PDE7A: variants seen among roughly 807,000 people sequenced by gnomAD.
PDE7A encodes the protein high affinity 3',5'-cyclic-AMP phosphodiesterase 7A.
Under a neutral mutation model 64.3 loss-of-function variants are expected in PDE7A, and 39 were observed. That is an observed-to-expected ratio of 0.61 (90% confidence interval 0.47 to 0.79). PDE7A has a LOEUF of 0.79. Ranked by LOEUF, PDE7A falls within the 30% of genes least tolerant of loss-of-function variation. The probability of loss-of-function intolerance (pLI) is 0.00; values close to 1 mark genes in which losing one functional copy is unlikely to be tolerated. For missense variants in PDE7A, 470 were observed against 582.8 expected (o/e 0.81, Z 1.99); for synonymous variants, 203 against 206.8 (o/e 0.98, Z 0.16).
chr8:65,735,051 A>G (rs1365176705), intron 6 of PDE7A, among the ~76,000 whole-genome samples, 157 bp from the exon 7 acceptor site: 1 of 152,184 alleles, frequency 6.6e-6, no homozygotes, highest in African/African-American at 2.4e-5. Context: ...CACAACTCAC[A>G]TGTATACCAA....
At chr8:65,723,662 C>G in intron 11 of PDE7A, 41 bp from the exon 12 acceptor site, 1 of 1,346,526 alleles carries the variant, frequency 7.4e-7, no homozygotes, top group Middle Eastern at 2.4e-4. Flanking sequence ...TGAAGAATAT[C>G]TATTGGTTAA....
chr8:65,842,059 A>G lies in PDE7A; in HGVS notation c.-551T>C. On this transcript the variant is annotated 5_prime_UTR_variant, in exon 1 of 13. Coordinates refer to ENST00000401827, the MANE Select transcript of PDE7A (RefSeq NM_001242318.3). ...CCGCCGCCGGCGCGAGCCCGGCGTAATTCACACTTTGCAGCCGCGGACCTT... is the reference window on the plus strand; with the variant it reads ...CCGCCGCCGGCGCGAGCCCGGCGTAGTTCACACTTTGCAGCCGCGGACCTT... 1 of 191,690 alleles carries G rather than the reference A, an allele frequency of 5.2e-6. No individual in the cohort carries two copies. The highest frequency in any genetic ancestry group is 1.0e-5 in the Non-Finnish European group (1 of 95,974). 11.9% of individuals were successfully genotyped at this position (191,690 alleles called of 1,614,324 possible). A position where few individuals can be genotyped will look rare whatever the true frequency, so the allele number is the denominator to read the frequency against.
At chr8:65,731,748 G>A (rs958413717) in intron 7 of PDE7A, 1 of 151,816 alleles carries the variant, frequency 6.6e-6, no homozygotes, top group African/African-American at 2.4e-5. Flanking sequence ...TTTCCACATA[G>A]ACAAGAGTCC....
At chr8:65,743,573 C>G (rs1175100069) in intron 5 of PDE7A, among the ~76,000 whole-genome samples, 3 of 152,144 alleles carry the variant, frequency 2.0e-5, no homozygotes, top group Non-Finnish European at 2.9e-5. Context: ...AAGGTATAGA[C>G]AAAGGTATTT....
intron 1 of PDE7A, among the ~76,000 whole-genome samples, chr8:65,834,848 T>G (rs1356768757): frequency 6.6e-6 from 1 of 152,140 alleles, no homozygotes; most frequent in Non-Finnish European, 1.5e-5. Context: ...GTCCCTTCCC[T>G]TATAAAAGGA....
At chr8:65,722,456 T>C (rs1806425166) in intron 12 of PDE7A, 1 of 152,266 alleles carries the variant, frequency 6.6e-6, no homozygotes, top group South Asian at 2.1e-4. Context: ...TGCTACCTTC[T>C]TAGTTTCTGG....
At chr8:65,777,166 G>A (rs531818703) in intron 3 of PDE7A, among the ~76,000 whole-genome samples, 1 of 139,850 alleles carries the variant, frequency 7.2e-6, no homozygotes, top group Non-Finnish European at 1.5e-5. Context: ...CGCAACCTCT[G>A]CCTCCTGGGT....
chr8:65,825,544 G>C (rs1179555637), intron 1 of PDE7A, among the ~76,000 whole-genome samples: 2 of 152,094 alleles, frequency 1.3e-5, no homozygotes, highest in Non-Finnish European at 2.9e-5. Flanking sequence ...TCTTAAATAA[G>C]ACTTGCATAT....
chr8:65,787,505 C>G (rs78597037), intron 1 of PDE7A, among the ~76,000 whole-genome samples: 2,484 of 152,238 alleles, frequency 0.016, 65 homozygotes, highest in African/African-American at 0.057. Context: ...CATGCTTGTA[C>G]TTGAGTGCCT....
chr8:65,753,569 A>G (rs1405804454), intron 3 of PDE7A, among the ~76,000 whole-genome samples: 2 of 152,046 alleles, frequency 1.3e-5, no homozygotes, highest in Non-Finnish European at 2.9e-5. Flanking sequence ...GTGTCCTAAC[A>G]TATGGTCTAT....
At chr8:65,766,276 G>A (rs941291631) in intron 3 of PDE7A, among the ~76,000 whole-genome samples, 1 of 152,086 alleles carries the variant, frequency 6.6e-6, no homozygotes, top group African/African-American at 2.4e-5. Flanking sequence ...AAATCAATAT[G>A]GAATTTATTT....
chr8:65,732,109 A>G (rs1410631134), intron 7 of PDE7A, among the ~76,000 whole-genome samples: 1 of 151,710 alleles, frequency 6.6e-6, no homozygotes, highest in Non-Finnish European at 1.5e-5. Flanking sequence ...AGGGATTCTC[A>G]TGTCTCAGCC....
At chr8:65,816,397 T>A (rs987903416) in intron 1 of PDE7A, among the ~76,000 whole-genome samples, 2 of 152,196 alleles carry the variant, frequency 1.3e-5, no homozygotes, top group African/African-American at 2.4e-5. Flanking sequence ...TGAGAAAAAA[T>A]ATATTTATAG....
chr8:65,820,328 G>A (rs146921948), intron 1 of PDE7A, among the ~76,000 whole-genome samples: 13 of 152,236 alleles, frequency 8.5e-5, no homozygotes, highest in South Asian at 8.3e-4. Context: ...TCCAGGATGC[G>A]GAGGTTGCTG....
Position 65,715,885 on chromosome 8 carries a change from G to C in PDE7A, c.*3405C>G, listed in dbSNP as rs1052057203. On this transcript the variant is annotated 3_prime_UTR_variant, in exon 13 of 13. Transcript: ENST00000401827. ...CGCCTGTAGTCCCAGCGACCTGGGA[G>C]ACTGAGGCAGGAGAATGAGGAGAAT... Among the ~76,000 whole-genome samples the C allele has an allele frequency of 6.7e-6, 1 of 148,482 alleles. No individual in the cohort carries two copies. The highest frequency in any genetic ancestry group is 1.5e-5 in the Non-Finnish European group (1 of 67,332).
chr8:65,828,254 G>T (rs182337711), intron 1 of PDE7A, among the ~76,000 whole-genome samples: 274 of 152,040 alleles, frequency 1.8e-3, no homozygotes, highest in Non-Finnish European at 2.2e-3. Context: ...TTCCAGATTT[G>T]GATGTTTTCA....
intron 1 of PDE7A, among the ~76,000 whole-genome samples, chr8:65,836,112 A>G (rs1810944811): frequency 6.6e-6 from 1 of 152,248 alleles, no homozygotes; most frequent in South Asian, 2.1e-4. Context: ...GGAAGGTCTC[A>G]TAAATATAAC....
intron 3 of PDE7A, among the ~76,000 whole-genome samples, chr8:65,757,839 G>C (rs1048172843): frequency 9.9e-5 from 15 of 152,116 alleles, no homozygotes; most frequent in Non-Finnish European, 1.9e-4. Context: ...GGCTGGTCTC[G>C]ATCTCCTGAC....
At chr8:65,744,366 A>T (rs1202684567) in intron 5 of PDE7A, among the ~76,000 whole-genome samples, 1 of 152,238 alleles carries the variant, frequency 6.6e-6, no homozygotes, top group Non-Finnish European at 1.5e-5. Flanking sequence ...GAACTGCCTA[A>T]GGTTTAGTGG....
Sources: allele counts gnomAD v4.1 joint callset (sites outside exome capture counted in the v4.1 genomes callset), GRCh38; gene constraint gnomAD v4.1.1; transcripts MANE v1.5; gene names NCBI Gene and HGNC (gene_info 2026-07-23, HGNC 2026-07-21).